DNAJC16: variants seen among roughly 807,000 people sequenced by gnomAD.
DNAJC16 encodes DnaJ heat shock protein family (Hsp40) member C16, also known as dnaJ homolog subfamily C member 16.
Under a neutral mutation model 92.7 loss-of-function variants are expected in DNAJC16, and 76 were observed. The observed-to-expected ratio is 0.82, with a 90% CI of 0.68 to 0.99. The LOEUF (loss-of-function observed/expected upper bound fraction) is 0.99. Among genes scored for constraint, DNAJC16 ranks in the 50% least tolerant of loss-of-function variants. DNAJC16 has a pLI of 0.00. For missense variants in DNAJC16, 869 were observed against 942.4 expected (o/e 0.92, Z 1.02); for synonymous variants, 328 against 358.7 (o/e 0.91, Z 0.97).
chr1:15,567,278 G>A lies in DNAJC16; in HGVS notation c.1949+9G>A. 6.3e-7 allele frequency: 1 copy of A among 1,596,622 alleles called. No individual in the cohort carries two copies. The highest frequency in any genetic ancestry group is 8.6e-7 in the Non-Finnish European group (1 of 1,167,040). On this transcript the variant is annotated intron_variant, in intron 14 of 14. Coordinates refer to ENST00000375847, the MANE Select transcript of DNAJC16 (RefSeq NM_015291.4). The stretch of plus-strand genomic sequence containing the variant: ...GTCTACACATTTACTGGGTAAGCAT[G>A]TGTGTGTGTGCATGTATGTATGTGT...
chr1:15,560,363 A>T (rs1211213822), intron 8 of DNAJC16: 2 of 152,278 alleles, frequency 1.3e-5, no homozygotes, highest in Non-Finnish European at 2.9e-5. Flanking sequence ...AGGAGCAAGG[A>T]TAACAATTAA....
At chr1:15,566,939 G>A (rs1256128964) in intron 13 of DNAJC16, 160 bp from the exon 14 acceptor site, 8 of 593,348 alleles carry the variant, frequency 1.3e-5, no homozygotes. Context: ...GGATTACCAA[G>A]TCAGGCCATC....
Position 15,568,302 on chromosome 1 carries a change from T to G in DNAJC16, c.*125T>G. The G allele has an allele frequency of 1.2e-6, 1 of 806,694 alleles. No individual in the cohort carries two copies. The highest frequency in any genetic ancestry group is 2.0e-6 in the Non-Finnish European group (1 of 512,570). The allele number at this position is 806,694 out of a possible 1,614,324, so 50.0% of individuals were successfully genotyped here. ...ATTTTAGATTGCTCTTCTAGAACCA[T>G]GGCTAGAAGAATCTTTCCTTTGTCC... On this transcript the variant is annotated 3_prime_UTR_variant, in exon 15 of 15. Coordinates refer to ENST00000375847, the MANE Select transcript of DNAJC16 (RefSeq NM_015291.4).
intron 7 of DNAJC16, among the ~76,000 whole-genome samples, chr1:15,555,646 C>T (rs927594551): frequency 1.4e-5 from 2 of 147,108 alleles, no homozygotes; most frequent in East Asian, 2.0e-4. Context: ...CACACCACTG[C>T]ACTCCAGCCT....
At chr1:15,555,191 CGTG>C (rs963532408) in intron 7 of DNAJC16, among the ~76,000 whole-genome samples, 6 of 149,420 alleles carry the variant, frequency 4.0e-5, no homozygotes, top group African/African-American at 1.5e-4. Context: ...GCCTGGGCAA[CGTG>C]GTAAAACCCC....
chr1:15,541,940 G>C (rs1710940246), intron 4 of DNAJC16, among the ~76,000 whole-genome samples: 1 of 152,092 alleles, frequency 6.6e-6, no homozygotes, highest in South Asian at 2.1e-4. Context: ...TCCTGAGATG[G>C]AGCACCTAAT....
rs766159134 is a variant in DNAJC16, at chr1:15,536,725, A to G, written c.485A>G (p.Tyr162Cys). The G allele has an allele frequency of 3.1e-6, 5 of 1,614,032 alleles. No homozygotes were observed. The highest frequency in any genetic ancestry group is 4.5e-5 in the East Asian group (2 of 44,896). ...GTTCCAGATAGCTTCAAGAAACCCTACCTCATCAAGATCACCTCCGATTGG... is the reference window on the plus strand; with the variant it reads ...GTTCCAGATAGCTTCAAGAAACCCTGCCTCATCAAGATCACCTCCGATTGG... ...EVVPDSFKKP[Y>C]LIKITSDWCF... Residue 162 changes from tyrosine (Y) to cysteine (C), a missense_variant, in exon 4 of 15, where the codon TAC becomes TGC. Physicochemically the swap from Tyr to Cys is radical, Grantham distance 194 (BLOSUM62 -2). Coordinates refer to ENST00000375847, the MANE Select transcript of DNAJC16 (RefSeq NM_015291.4).
chr1:15,546,407 G>GTAGA (rs369373059), intron 5 of DNAJC16, among the ~76,000 whole-genome samples: 98 of 152,216 alleles, frequency 6.4e-4, no homozygotes, highest in Non-Finnish European at 1.0e-3. Context: ...AGATAGATAG[G>GTAGA]TAGATAGATA....
intron 8 of DNAJC16, chr1:15,560,063 CAAA>C (rs34204724): frequency 8.0e-5 from 6 of 75,046 alleles, no homozygotes; most frequent in Admixed American, 1.6e-4. Flanking sequence ...AACTCTGTCT[CAAA>C]AAAAAAAAAA....
At chr1:15,567,555 T>C (rs1018435758) in intron 14 of DNAJC16, among the ~76,000 whole-genome samples, 4 of 152,142 alleles carry the variant, frequency 2.6e-5, no homozygotes, top group Non-Finnish European at 4.4e-5. Context: ...AGAAGAGCAA[T>C]GTTAAGTTCC....
chr1:15,564,716 A>T (rs1570931311), intron 11 of DNAJC16, among the ~76,000 whole-genome samples: 1 of 151,622 alleles, frequency 6.6e-6, no homozygotes, highest in African/African-American at 2.4e-5. Context: ...TTTAGTAGAG[A>T]TAGGGTTTCA....
intron 5 of DNAJC16, 150 bp downstream of exon 5, chr1:15,544,733 C>CGATT: frequency 1.3e-6 from 1 of 751,646 alleles, no homozygotes; most frequent in Non-Finnish European, 2.1e-6. Flanking sequence ...ATTACTCAAA[C>CGATT]TAAATCGTTT....
Position 15,567,811 on chromosome 1 carries a change from A to C in DNAJC16, c.1983A>C (p.Leu661=). The change falls in exon 15 of 15, where the codon CTA becomes CTC. Residue 661 remains leucine, a synonymous_variant. Coordinates refer to ENST00000375847, the MANE Select transcript of DNAJC16 (RefSeq NM_015291.4). ...GCCTACACTTCTCCTTCCTGAGTCT[A>C]GATAAACACAGAGAATGGCTAGAAT... is the stretch of plus-strand genomic sequence containing the variant. ...SSCLHFSFLS[L]DKHREWLEYL... 1 of 1,614,164 alleles carries C rather than the reference A, an allele frequency of 6.2e-7. No homozygotes were observed. The highest frequency in any genetic ancestry group is 8.5e-7 in the Non-Finnish European group (1 of 1,180,016).
intron 10 of DNAJC16, 65 bp downstream of exon 10, chr1:15,564,176 G>A (rs1158296185): frequency 6.9e-6 from 11 of 1,595,030 alleles, no homozygotes; most frequent in East Asian, 6.7e-5. Flanking sequence ...TGCTGGTGGC[G>A]GATTTCTGCT....
chr1:15,563,070 C>T (rs1190546413), intron 9 of DNAJC16, among the ~76,000 whole-genome samples: 1 of 151,694 alleles, frequency 6.6e-6, no homozygotes, highest in Non-Finnish European at 1.5e-5. Context: ...TCACTTCCTA[C>T]AGAAACAAGA....
chr1:15,557,302 A>C (rs1256421065), intron 7 of DNAJC16, among the ~76,000 whole-genome samples: 1 of 152,128 alleles, frequency 6.6e-6, no homozygotes, highest in Non-Finnish European at 1.5e-5. Context: ...ATTTTTGACT[A>C]CTGATTATTT....
At chr1:15,550,543 A>C (rs1260446235) in intron 7 of DNAJC16, among the ~76,000 whole-genome samples, 4 of 152,184 alleles carry the variant, frequency 2.6e-5, no homozygotes, top group Admixed American at 1.3e-4. Context: ...GTTGGTGGAC[A>C]TTGGGGGCTT....
intron 14 of DNAJC16, among the ~76,000 whole-genome samples, chr1:15,567,525 C>T (rs899917162): frequency 3.3e-5 from 5 of 152,158 alleles, no homozygotes; most frequent in African/African-American, 1.2e-4. Flanking sequence ...TTACTGTTCT[C>T]TAGCCCTTGT....
At chr1:15,567,040 A>C (rs1026187601) in intron 13 of DNAJC16, 59 bp from the exon 14 acceptor site, 2 of 1,516,546 alleles carry the variant, frequency 1.3e-6, no homozygotes, top group Admixed American at 1.8e-5. Context: ...GTTTCTTTTC[A>C]AAGTAACGGC....
Sources: gnomAD v4.1 joint callset for allele counts (sites outside exome capture counted in the v4.1 genomes callset) on GRCh38, gnomAD v4.1.1 for gene constraint, MANE v1.5 for transcripts, NCBI Gene and HGNC (gene_info 2026-07-23, HGNC 2026-07-21) for gene names.